PLB1: variants seen among roughly 807,000 people sequenced by gnomAD.
PLB1 encodes phospholipase B1, membrane-associated.
PLB1 carries 242 observed loss-of-function variants against 227.4 expected under a neutral mutation model. The observed-to-expected ratio is 1.06, with a 90% confidence interval of 0.96 to 1.18. The LOEUF (loss-of-function observed/expected upper bound fraction) is 1.18. Ranked by LOEUF, PLB1 falls within the 50% of genes most tolerant of loss-of-function variation. The pLI is 0.00. For missense variants in PLB1, 1,858 were observed against 1,816.3 expected (o/e 1.02, Z -0.42); for synonymous variants, 757 against 682.2 (o/e 1.11, Z -1.71).
At chr2:28,587,090 A>C (rs1681024768) in intron 26 of PLB1, among the ~76,000 whole-genome samples, 1 of 152,176 alleles carries the variant, frequency 6.6e-6, no homozygotes, top group African/African-American at 2.4e-5. Context: ...GACTCTGGGG[A>C]GGAAGTCCCT....
intron 55 of PLB1, 75 bp from the exon 56 acceptor site, chr2:28,632,869 C>A: frequency 1.8e-6 from 2 of 1,088,774 alleles, no homozygotes; most frequent in Non-Finnish European, 2.8e-6. Flanking sequence ...CCCAGGGCAC[C>A]TGCTGGGAGA....
chr2:28,528,941 CTTTTTTTT>C (rs201087238), intron 6 of PLB1, among the ~76,000 whole-genome samples: 10,913 of 109,350 alleles, frequency 0.1, 589 homozygotes, highest in East Asian at 0.24. Flanking sequence ...GGGAGTCAGT[CTTTTTTTT>C]TTTTTTTTTT....
chr2:28,585,879 G>A, intron 26 of PLB1, 37 bp downstream of exon 26: 1 of 1,508,494 alleles, frequency 6.6e-7, no homozygotes, highest in East Asian at 2.3e-5. Context: ...TCCCAGAACT[G>A]CTGTGTGATT....
chr2:28,538,478 G>C (rs1287471089), intron 10 of PLB1, 97 bp downstream of exon 10: 4 of 1,124,820 alleles, frequency 3.6e-6, no homozygotes, highest in African/African-American at 3.1e-5. Context: ...CTGTGAGGGA[G>C]ACTGGGACCC....
At chr2:28,551,359 C>A (rs1461483984) in intron 16 of PLB1, among the ~76,000 whole-genome samples, 4 of 152,194 alleles carry the variant, frequency 2.6e-5, no homozygotes, top group African/African-American at 9.7e-5. Context: ...TCTGGGAAAG[C>A]AAGGAACACT....
At chr2:28,562,558 A>AAAAAAAAAAAAAAAAAAAAAAAAG (rs1261725245) in intron 17 of PLB1, among the ~76,000 whole-genome samples, 2 of 147,658 alleles carry the variant, frequency 1.4e-5, no homozygotes, top group Admixed American at 7.0e-5. Context: ...AAAAAAAAAA[A>AAAAAAAAAAAAAAAAAAAAAAAAG]AGTCAGTGGC....
chr2:28,517,469 G>GT (rs1375445666), intron 2 of PLB1, among the ~76,000 whole-genome samples: 2 of 152,162 alleles, frequency 1.3e-5, no homozygotes, highest in Non-Finnish European at 2.9e-5. Context: ...TGGTCTTGAG[G>GT]ACCTGAGTAC....
intron 3 of PLB1, 86 bp downstream of exon 3, chr2:28,518,618 G>A: frequency 1.0e-6 from 1 of 985,626 alleles, no homozygotes; most frequent in Non-Finnish European, 1.6e-6. Context: ...ATTCTTCTTG[G>A]ACCTGTTGCC....
intron 20 of PLB1, among the ~76,000 whole-genome samples, chr2:28,572,890 T>G (rs187690351): frequency 7.9e-5 from 12 of 152,216 alleles, no homozygotes; most frequent in Non-Finnish European, 1.5e-4. Context: ...AATTGGTAAA[T>G]TTTATGGTAA....
intron 17 of PLB1, among the ~76,000 whole-genome samples, chr2:28,562,522 CAG>C (rs1676206428): frequency 1.8e-5 from 1 of 55,486 alleles, no homozygotes; most frequent in Non-Finnish European, 3.4e-5. Flanking sequence ...AGCCTGGAGA[CAG>C]AGCAAGACTC....
In PLB1 at chr2:28,598,655, T is replaced by C; in HGVS notation, c.2369T>C (p.Ile790Thr). 6.2e-7 allele frequency: 1 copy of C among 1,612,990 alleles called. No individual in the cohort carries two copies. The highest frequency in any genetic ancestry group is 8.5e-7 in the Non-Finnish European group (1 of 1,178,908). The stretch of plus-strand genomic sequence containing the variant: ...TCCCATTCACCTTCTCTTCCAGATA[T>C]CCTTCGGGAGTTTAACAGAAACCTC... ...SLENVTTLPN[I>T]LREFNRNLTG... The change falls in exon 35 of 58, where the codon ATC (isoleucine) becomes ACC (threonine). Residue 790 changes from isoleucine (I) to threonine (T), a missense_variant. Transcript: ENST00000327757.
chr2:28,570,078 C>A lies in PLB1; in HGVS notation c.1325-3119C>A, dbSNP rs76277982. ...CAAAAAAAGCCCAGACTGTCTCTGACTTCGCTGGTGAATTCTATCAAACAT... is the reference window on the plus strand; with the variant it reads ...CAAAAAAAGCCCAGACTGTCTCTGAATTCGCTGGTGAATTCTATCAAACAT... On this transcript the variant is annotated intron_variant, in intron 20 of 57. Transcript: ENST00000327757. Among the ~76,000 whole-genome samples the A allele has an allele frequency of 6.4e-3, 976 of 152,108 alleles. 9 individuals carry two copies. Among genetic ancestry groups the A allele is most frequent in the African/African-American group, 0.023 (937 of 41,526 alleles).
chr2:28,580,288 G>A (rs11679100), intron 23 of PLB1, among the ~76,000 whole-genome samples: 59,756 of 152,160 alleles, frequency 0.39, 12,424 homozygotes, highest in African/African-American at 0.53. Context: ...CTAGGAGCAA[G>A]GCAGTGGTGA....
chr2:28,580,252 C>G (rs1037919281), intron 23 of PLB1, among the ~76,000 whole-genome samples: 1 of 152,214 alleles, frequency 6.6e-6, no homozygotes, highest in Admixed American at 6.5e-5. Flanking sequence ...CACTAGTCTC[C>G]CACCCACGCC....
Position 28,607,355 on chromosome 2 carries a change from T to C in PLB1, c.3129+788T>C, listed in dbSNP as rs374590817. On this transcript the variant is annotated intron_variant, in intron 43 of 57. Coordinates refer to ENST00000327757, the MANE Select transcript of PLB1 (RefSeq NM_153021.5). ...CACCCTCCCTGCTGGGGAATGGACC[T>C]GCAGCTCCCCCATGTGTCTGCTGGG... 2.0e-5 allele frequency among the ~76,000 whole-genome samples: 3 copies of C among 152,106 alleles called. No homozygotes were observed. In the South Asian group the frequency reaches 6.2e-4, roughly 32 times the overall value.
In PLB1 at chr2:28,618,363, C is replaced by T; in HGVS notation, c.3279C>T (p.Asp1093=). The change falls in exon 46 of 58, where the codon GAC becomes GAT. Residue 1093 remains aspartate, a synonymous_variant. Transcript: ENST00000327757. Reference sequence around the variant, plus strand: ...TAGTCCACCAGCTCCGACCAGCAGACATCAAAGTGGTGGCCGCCCTGGGTG... The same window carrying T: ...TAGTCCACCAGCTCCGACCAGCAGATATCAAAGTGGTGGCCGCCCTGGGTG... ...PTSVHQLRPA[D]IKVVAALGDS... The T allele has an allele frequency of 6.2e-7, 1 of 1,614,166 alleles. No individual in the cohort carries two copies. The highest frequency in any genetic ancestry group is 2.2e-5 in the East Asian group (1 of 44,884).
intron 26 of PLB1, 133 bp downstream of exon 26, chr2:28,585,975 A>C (rs1334971813): frequency 1.3e-6 from 1 of 774,184 alleles, no homozygotes; most frequent in Non-Finnish European, 2.2e-6. Flanking sequence ...TGCTGATTTT[A>C]AAACACCCTG....
chr2:28,638,590 A>G (rs1352462931), intron 56 of PLB1, among the ~76,000 whole-genome samples: 1 of 152,044 alleles, frequency 6.6e-6, no homozygotes, highest in Non-Finnish European at 1.5e-5. Flanking sequence ...AGAGGAGGAG[A>G]GACGCTGTCG....
rs72851610 is a variant in PLB1 at position 28,640,563 on chromosome 2, G to A, written c.4099-364G>A. Among the ~76,000 whole-genome samples the A allele has an allele frequency of 8.9e-3, 1,348 of 152,184 alleles. 22 individuals carry two copies. The highest frequency in any genetic ancestry group is 0.031 in the African/African-American group (1,272 of 41,512). ...CGTCGTTTTATAAAATTGAAAACAC[G>A]GTGTCTTGCAATCACAGCCACTCAC... On this transcript the variant is annotated intron_variant, in intron 56 of 57. Transcript: ENST00000327757.
Sources: allele counts gnomAD v4.1 joint callset (sites outside exome capture counted in the v4.1 genomes callset), GRCh38; gene constraint gnomAD v4.1.1; transcripts MANE v1.5; gene names NCBI Gene and HGNC (gene_info 2026-07-23, HGNC 2026-07-21).